Variants in DCDC1 observed in about 807,000 individuals in gnomAD.
DCDC1 encodes doublecortin domain containing 1, also known as doublecortin domain-containing protein 1.
In DCDC1, 200 loss-of-function variants were observed where a neutral mutation model predicts 178.3. That is an observed-to-expected ratio of 1.12 (90% CI 1.00 to 1.26). The LOEUF is 1.26. Among genes scored for constraint, DCDC1 ranks in the 50% most tolerant of loss-of-function variants. DCDC1 has a pLI of 0.00. For missense variants in DCDC1, 1,983 were observed against 1,749.2 expected (o/e 1.13, Z -2.38); for synonymous variants, 690 against 604.8 (o/e 1.14, Z -2.07).
chr11:31,078,258 A>G (rs1003476569), intron 17 of DCDC1, among the ~76,000 whole-genome samples: 3 of 152,164 alleles, frequency 2.0e-5, no homozygotes, highest in Non-Finnish European at 4.4e-5. Context: ...CTATGAGACA[A>G]AGAAAGAGAC....
intron 9 of DCDC1, among the ~76,000 whole-genome samples, chr11:31,162,212 T>G (rs1410173110): frequency 6.6e-6 from 1 of 152,152 alleles, no homozygotes; most frequent in East Asian, 1.9e-4. Context: ...CAATGTTCTA[T>G]TTGCATTCAG....
intron 32 of DCDC1, among the ~76,000 whole-genome samples, chr11:30,902,088 A>G (rs972749283): frequency 1.1e-4 from 16 of 152,286 alleles, no homozygotes; most frequent in African/African-American, 2.6e-4. Flanking sequence ...ATATAGATAT[A>G]TAGATATACT....
At chr11:31,178,980 C>A (rs935838420) in intron 9 of DCDC1, among the ~76,000 whole-genome samples, 1 of 152,056 alleles carries the variant, frequency 6.6e-6, no homozygotes, top group Non-Finnish European at 1.5e-5. Flanking sequence ...TGTGAGCCAC[C>A]GCGCCCAGCC....
chr11:30,977,206 C>A (rs896706037), intron 20 of DCDC1, among the ~76,000 whole-genome samples: 2 of 152,064 alleles, frequency 1.3e-5, no homozygotes, highest in Non-Finnish European at 2.9e-5. Flanking sequence ...GGGGGATGAA[C>A]AGAGCTTTCT....
intron 9 of DCDC1, among the ~76,000 whole-genome samples, chr11:31,213,007 T>G (rs1234161035): frequency 6.6e-6 from 1 of 151,868 alleles, no homozygotes; most frequent in African/African-American, 2.4e-5. Context: ...CTTTCTTCCT[T>G]CTCTCTGCTC....
rs1354401836 is a variant in DCDC1 at position 31,168,951 on chromosome 11, CTATT to C, written c.1222-31171_1222-31168del. Among the ~76,000 whole-genome samples, 3 of 152,030 alleles carry C rather than the reference CTATT, an allele frequency of 2.0e-5. No homozygotes were observed. In the East Asian group the frequency reaches 5.8e-4, roughly 29 times the overall value. On this transcript the variant is annotated intron_variant, in intron 9 of 38. Transcript: ENST00000684477. Reference sequence around the variant, plus strand: ...ATTAAAAGAAGACTAAAATGGCACACTATTTATAACAGCAAAGAGATGGAACCAA... The same window carrying C: ...ATTAAAAGAAGACTAAAATGGCACACTATAACAGCAAAGAGATGGAACCAA...
At chr11:31,204,895 G>A (rs531312142) in intron 9 of DCDC1, among the ~76,000 whole-genome samples, 1 of 152,198 alleles carries the variant, frequency 6.6e-6, no homozygotes, top group African/African-American at 2.4e-5. Flanking sequence ...AAAAAGGCAG[G>A]AGAACCTAAC....
At chr11:31,186,136 A>G (rs1259193747) in intron 9 of DCDC1, among the ~76,000 whole-genome samples, 1 of 152,060 alleles carries the variant, frequency 6.6e-6, no homozygotes, top group Admixed American at 6.6e-5. Flanking sequence ...CACTACACTT[A>G]CAATAAAATC....
At chr11:30,869,363 A>G (rs1941321539) in intron 38 of DCDC1, among the ~76,000 whole-genome samples, 1 of 152,258 alleles carries the variant, frequency 6.6e-6, no homozygotes, top group African/African-American at 2.4e-5. Context: ...TAGTACTTAC[A>G]TTTGAAAAGC....
At chr11:31,351,035 A>T (rs1394157820) in intron 1 of DCDC1, among the ~76,000 whole-genome samples, 1 of 152,096 alleles carries the variant, frequency 6.6e-6, no homozygotes, top group Non-Finnish European at 1.5e-5. Flanking sequence ...TAAAAACAGG[A>T]GACATCAAAA....
intron 1 of DCDC1, among the ~76,000 whole-genome samples, chr11:31,347,484 C>T (rs1352911804): frequency 5.3e-5 from 8 of 152,128 alleles, no homozygotes; most frequent in Admixed American, 5.2e-4. Flanking sequence ...ACCAGGCACA[C>T]TAAATCTGAG....
chr11:30,958,784 C>T (rs1948912052), intron 20 of DCDC1, among the ~76,000 whole-genome samples: 2 of 152,066 alleles, frequency 1.3e-5, no homozygotes, highest in South Asian at 4.2e-4. Flanking sequence ...ACTGTGGTAA[C>T]ACTTCTGCCA....
At chr11:31,343,221 G>A (rs887783371) in intron 1 of DCDC1, among the ~76,000 whole-genome samples, 2 of 152,166 alleles carry the variant, frequency 1.3e-5, no homozygotes, top group Non-Finnish European at 2.9e-5. Flanking sequence ...GGTAGACTGA[G>A]GCGAGAGGAT....
At chr11:30,972,371 T>C (rs1478310348) in intron 20 of DCDC1, among the ~76,000 whole-genome samples, 3 of 152,260 alleles carry the variant, frequency 2.0e-5, no homozygotes, top group Middle Eastern at 3.4e-3. Flanking sequence ...CCAGAAAAGT[T>C]ACCCTTCATT....
intron 18 of DCDC1, among the ~76,000 whole-genome samples, chr11:31,076,330 G>C (rs557954464): frequency 6.6e-6 from 1 of 151,916 alleles, no homozygotes; most frequent in East Asian, 1.9e-4. Context: ...CAGTTGTTCT[G>C]TTTACTTAAT....
rs181149942 is a variant in DCDC1 at position 31,213,240 on chromosome 11, T to C, written c.1221+28210A>G. On this transcript the variant is annotated intron_variant, in intron 9 of 38. Transcript: ENST00000684477. The stretch of plus-strand genomic sequence containing the variant: ...CTTCAGTCACTTCACCCCAGTCTGG[T>C]TGGATATTTTCTATTCAGGGTCTAT... 6.4e-4 allele frequency among the ~76,000 whole-genome samples: 97 copies of C among 150,644 alleles called. 1 individual carries two copies. Among genetic ancestry groups the C allele is most frequent in the Non-Finnish European group, 7.7e-4 (52 of 67,744 alleles).
chr11:31,056,775 T>C (rs1451512684), intron 20 of DCDC1, among the ~76,000 whole-genome samples: 1 of 152,146 alleles, frequency 6.6e-6, no homozygotes, highest in African/African-American at 2.4e-5. Flanking sequence ...GCAGACAAAG[T>C]ATCAGTAAGT....
intron 20 of DCDC1, among the ~76,000 whole-genome samples, chr11:30,983,881 G>C (rs980001192): frequency 5.3e-5 from 8 of 152,028 alleles, no homozygotes; most frequent in East Asian, 3.9e-4. Flanking sequence ...CAGACCACAG[G>C]GGGTAAAAAT....
At chr11:31,194,373 A>G (rs533266934) in intron 9 of DCDC1, among the ~76,000 whole-genome samples, 162 of 152,136 alleles carry the variant, frequency 1.1e-3, no homozygotes, top group African/African-American at 3.4e-3. Context: ...ACATGGAGTT[A>G]TTTTTTTCTG....
Sources: allele counts gnomAD v4.1 joint callset (sites outside exome capture counted in the v4.1 genomes callset), GRCh38; gene constraint gnomAD v4.1.1; transcripts MANE v1.5; gene names NCBI Gene and HGNC (gene_info 2026-07-23, HGNC 2026-07-21).